The following BANP variants were observed in gnomAD, a reference collection of about 807,000 sequenced individuals.
The protein encoded by BANP is BTG3 associated nuclear protein, also known as protein BANP.
In BANP, 11 loss-of-function variants were observed where a neutral mutation model predicts 68.1. The ratio of observed to expected loss-of-function variants is 0.16; its 90% CI spans 0.10 to 0.27. The LOEUF (loss-of-function observed/expected upper bound fraction) is 0.27, where lower values mean the gene tolerates loss of function less well. Among genes scored for constraint, BANP ranks in the 10% least tolerant of loss-of-function variants. The probability of loss-of-function intolerance (pLI) is 1.00; values close to 1 mark genes in which losing one functional copy is unlikely to be tolerated. For synonymous variants in BANP, 329 were observed against 303.2 expected (o/e 1.09, Z -0.88); for missense variants, 504 against 722.7 (o/e 0.70, Z 3.47).
chr16:87,970,958 A>G (rs2060994229), intron 1 of BANP, among the ~76,000 whole-genome samples: 1 of 150,494 alleles, frequency 6.6e-6, no homozygotes, highest in African/African-American at 2.5e-5. Context: ...CGGAGGTTTC[A>G]GTGAGCCGAG....
At chr16:87,976,272 G>A (rs2062101538) in intron 2 of BANP, among the ~76,000 whole-genome samples, 1 of 152,058 alleles carries the variant, frequency 6.6e-6, no homozygotes, top group Non-Finnish European at 1.5e-5. Flanking sequence ...ATTCTTCCAC[G>A]GACAGTGCTT....
intron 1 of BANP, among the ~76,000 whole-genome samples, chr16:87,958,145 T>C (rs903843390): frequency 1.3e-5 from 2 of 152,172 alleles, no homozygotes; most frequent in African/African-American, 4.8e-5. Context: ...GTGGTGTAGG[T>C]CATGTTAGGT....
At chr16:87,993,390 T>C (rs2066375609) in intron 4 of BANP, among the ~76,000 whole-genome samples, 1 of 151,946 alleles carries the variant, frequency 6.6e-6, no homozygotes, top group East Asian at 1.9e-4. Flanking sequence ...TTCTTTCCCA[T>C]TTATTCACCT....
Position 88,035,374 on chromosome 16 carries a change from C to G in BANP, c.1252C>G (p.Gln418Glu). 6.2e-7 allele frequency: 1 copy of G among 1,611,234 alleles called. No homozygotes were observed. The highest frequency in any genetic ancestry group is 1.3e-5 in the African/African-American group (1 of 75,016). ...IAQVPQGEQVQITQDSEGNLQ... is the reference protein window; with the variant it reads ...IAQVPQGEQVEITQDSEGNLQ... ...CCAGGTGCCGCAGGGGGAGCAAGTCCAGATCACGCAGGACAGCGAGGTGAG... is the reference window on the plus strand; with the variant it reads ...CCAGGTGCCGCAGGGGGAGCAAGTCGAGATCACGCAGGACAGCGAGGTGAG... The change falls in exon 10 of 14, where the codon CAG (glutamine) becomes GAG (glutamate). Residue 418 changes from glutamine (Q) to glutamate (E), a missense_variant. This residue lies in a region of BANP where 223 missense variants were observed against 246.2 expected (regional missense o/e 0.91). Coordinates refer to ENST00000682872, the MANE Select transcript of BANP (RefSeq NM_001386991.1).
intron 11 of BANP, among the ~76,000 whole-genome samples, chr16:88,054,907 G>C (rs1204417197): frequency 6.6e-6 from 1 of 152,184 alleles, no homozygotes; most frequent in African/African-American, 2.4e-5. Flanking sequence ...GGTTTGAACA[G>C]TTAGTACCAA....
chr16:87,953,716 A>G (rs2057458496), intron 1 of BANP, among the ~76,000 whole-genome samples: 1 of 152,098 alleles, frequency 6.6e-6, no homozygotes, highest in Non-Finnish European at 1.5e-5. Context: ...TTCTGTTCCC[A>G]TCGACTCCTT....
rs561781896 is a variant in BANP at position 87,994,104 on chromosome 16, G to A, written c.362+9845G>A. Among the ~76,000 whole-genome samples the A allele has an allele frequency of 2.0e-5, 3 of 152,312 alleles. No individual in the cohort carries two copies. The East Asian group carries it at 5.8e-4, about 29-fold the overall frequency. ...TGTTGGAGACCAGGATGCGGAGCGC[G>A]GCGGTGTGCTGCGGTGCACTGTGTC... On this transcript the variant is annotated intron_variant, in intron 4 of 13. Transcript: ENST00000682872.
chr16:88,020,001 GC>G (rs1195629252), intron 7 of BANP, among the ~76,000 whole-genome samples: 2 of 152,324 alleles, frequency 1.3e-5, no homozygotes, highest in East Asian at 3.9e-4. Context: ...CCAGGCGTGT[GC>G]CCCAGCTGTC....
At position 87,957,255 on chromosome 16, in the gene BANP, T is replaced by C. The variant is rs1597703312; in HGVS notation, c.-69+5740T>C. Among the ~76,000 whole-genome samples, 2 of 152,202 alleles carry C rather than the reference T, an allele frequency of 1.3e-5. No homozygotes were observed. Among genetic ancestry groups the C allele is most frequent in the African/African-American group, 4.8e-5 (2 of 41,524 alleles). On this transcript the variant is annotated intron_variant, in intron 1 of 13. Coordinates refer to ENST00000682872, the MANE Select transcript of BANP (RefSeq NM_001386991.1). This position sits in a 1 kb window ranked among gnomAD's most constrained non-coding sequence, Gnocchi z 4.3. ...CGGTGCTCCATTCGGAACCCACAGG[T>C]CGCCAGCTTACAGCGTGGGAGCTGT...
chr16:88,016,217 G>A (rs2074517735), intron 6 of BANP, among the ~76,000 whole-genome samples: 2 of 152,218 alleles, frequency 1.3e-5, no homozygotes, highest in South Asian at 4.1e-4. Context: ...CTATGTCTGG[G>A]GCCTCCCGTC....
chr16:88,023,914 G>A (rs978914240), intron 7 of BANP, among the ~76,000 whole-genome samples: 6 of 152,226 alleles, frequency 3.9e-5, no homozygotes, highest in Non-Finnish European at 8.8e-5. Context: ...GCCTCGGTTG[G>A]TGTAGTGTGG....
chr16:88,043,225 A>C (rs2081236167), intron 11 of BANP, among the ~76,000 whole-genome samples: 1 of 152,204 alleles, frequency 6.6e-6, no homozygotes, highest in Non-Finnish European at 1.5e-5. Flanking sequence ...TTGAAATTAA[A>C]ATGCAGTGGC....
chr16:88,032,182 C>T (rs963445400), intron 8 of BANP, among the ~76,000 whole-genome samples: 1 of 151,978 alleles, frequency 6.6e-6, no homozygotes, highest in African/African-American at 2.4e-5. Flanking sequence ...ACTTCTCTCA[C>T]AGAATTTCAT....
At chr16:88,006,947 CAAAAAAAAAAAA>C (rs11349895) in intron 6 of BANP, among the ~76,000 whole-genome samples, 4 of 81,674 alleles carry the variant, frequency 4.9e-5, no homozygotes, top group Admixed American at 2.7e-4. Flanking sequence ...GACTCTGTCT[CAAAAAAAAAAAA>C]AAAAAAAAAA....
intron 1 of BANP, among the ~76,000 whole-genome samples, chr16:87,954,178 C>T (rs2057566162): frequency 6.6e-6 from 1 of 152,156 alleles, no homozygotes. Context: ...CTTTATCCTT[C>T]CTTCTGTGTC....
intron 1 of BANP, among the ~76,000 whole-genome samples, chr16:87,973,513 C>A (rs997702020): frequency 1.3e-5 from 2 of 152,148 alleles, no homozygotes; most frequent in Non-Finnish European, 2.9e-5. Context: ...GTAATCCCAG[C>A]ACCTTGGGAG....
Position 88,001,195 on chromosome 16 carries a change from T to G in BANP, c.363-3100T>G, listed in dbSNP as rs1348154122. On this transcript the variant is annotated intron_variant, in intron 4 of 13. Transcript: ENST00000682872. ...CTCCATGCACGCACGTGTGCGGCTG[T>G]ACTTACCTGTCCTTCCAGACACCCA... Among the ~76,000 whole-genome samples the G allele has an allele frequency of 4.8e-4, 37 of 76,892 alleles. 8 individuals carry two copies. Among genetic ancestry groups the G allele is most frequent in the African/African-American group, 1.4e-3 (24 of 16,654 alleles). 50.4% of individuals were successfully genotyped at this position (76,892 alleles called of 152,430 possible).
At chr16:88,038,339 A>C (rs962829678) in intron 11 of BANP, among the ~76,000 whole-genome samples, 1 of 152,012 alleles carries the variant, frequency 6.6e-6, no homozygotes, top group Non-Finnish European at 1.5e-5. Flanking sequence ...TGAGCCCCAG[A>C]GCAGGACTGG....
In BANP at chr16:88,034,116, G is replaced by A. The variant is rs371096212; in HGVS notation, c.1200+871G>A. Among the ~76,000 whole-genome samples, 3 of 152,348 alleles carry A rather than the reference G, an allele frequency of 2.0e-5. No homozygotes were observed. The East Asian group carries it at 5.8e-4, about 29-fold the overall frequency. On this transcript the variant is annotated intron_variant, in intron 9 of 13. Transcript: ENST00000682872. ...TCTCATCTCAGTGTGGCTTCAGCAT[G>A]CTGTCTGGAAGAGGGAAGGCTTCCG...
Sources: allele counts gnomAD v4.1 joint callset (sites outside exome capture counted in the v4.1 genomes callset), GRCh38; gene constraint gnomAD v4.1.1; regional missense constraint gnomAD v4.1.1; non-coding constraint Gnocchi (gnomAD v3.1); transcripts MANE v1.5; gene names NCBI Gene and HGNC (gene_info 2026-07-23, HGNC 2026-07-21).